Variants in RP1 observed in about 807,000 individuals in gnomAD.
RP1 encodes oxygen-regulated protein 1.
A neutral mutation model predicts 14.8 loss-of-function variants in RP1; 16 were observed. The observed-to-expected ratio is 1.08, with a 90% CI of 0.73 to 1.65. RP1 has a LOEUF of 1.65. RP1 is among the 40% of genes most tolerant of loss of function. The pLI, the probability that RP1 is intolerant of heterozygous loss-of-function variation, is 0.00. For missense variants in RP1, 2,631 were observed against 2,535.0 expected (o/e 1.04, Z -0.81); for synonymous variants, 876 against 883.6 (o/e 0.99, Z 0.15).
chr8:54,763,255 T>C (rs1422791460), intron 22 of RP1, among the ~76,000 whole-genome samples: 2 of 152,222 alleles, frequency 1.3e-5, no homozygotes, highest in Non-Finnish European at 2.9e-5. Flanking sequence ...ATAGAAACAA[T>C]GTCATTCACA....
intron 15 of RP1, among the ~76,000 whole-genome samples, chr8:54,708,654 C>A (rs1414801784): frequency 6.6e-6 from 1 of 152,018 alleles, no homozygotes; most frequent in Admixed American, 6.6e-5. Flanking sequence ...CCACTGAGCC[C>A]AGCTGAATGG....
intron 24 of RP1, among the ~76,000 whole-genome samples, chr8:54,810,002 C>A (rs541107893): frequency 6.6e-6 from 1 of 152,140 alleles, no homozygotes; most frequent in Non-Finnish European, 1.5e-5. Context: ...GGCCAATGAA[C>A]GCTTTCACCA....
At chr8:54,685,462 T>C (rs1205813002) in intron 12 of RP1, among the ~76,000 whole-genome samples, 5 of 152,248 alleles carry the variant, frequency 3.3e-5, no homozygotes, top group South Asian at 2.1e-4. Context: ...AGTTGTGTGG[T>C]TTTGAATGAA....
At chr8:54,669,812 G>T (rs1807108124) in intron 7 of RP1, among the ~76,000 whole-genome samples, 1 of 151,578 alleles carries the variant, frequency 6.6e-6, no homozygotes. Context: ...TCACTCATAG[G>T]TGGGAACTGA....
intron 1 of RP1, among the ~76,000 whole-genome samples, chr8:54,561,181 TCTA>T (rs1804279236): frequency 6.6e-6 from 1 of 152,186 alleles, no homozygotes; most frequent in Non-Finnish European, 1.5e-5. Context: ...ATCAAAAGCT[TCTA>T]CTATTAGAGC....
At chr8:54,842,025 C>A (rs1413642170) in intron 25 of RP1, among the ~76,000 whole-genome samples, 1 of 152,092 alleles carries the variant, frequency 6.6e-6, no homozygotes, top group Non-Finnish European at 1.5e-5. Context: ...AACTTGAAGT[C>A]ATGAGAAAAT....
At position 54,779,833 on chromosome 8, in the gene RP1, C is replaced by T. The variant is rs1202883253; in HGVS notation, c.3452-3714C>T. On this transcript the variant is annotated intron_variant, in intron 23 of 28. Transcript: ENST00000637698. ...ATAACTAGACATCCTGATAGAAATG[C>T]TAACGGTATTTATAAGTAAAAAGAT... Among the ~76,000 whole-genome samples the T allele has an allele frequency of 2.0e-5, 3 of 152,272 alleles. No homozygotes were observed. The South Asian group carries it at 6.2e-4, about 32-fold the overall frequency.
At chr8:54,681,790 A>G (rs1807439561) in intron 12 of RP1, among the ~76,000 whole-genome samples, 1 of 151,996 alleles carries the variant, frequency 6.6e-6, no homozygotes, top group South Asian at 2.1e-4. Context: ...GAGAACATGC[A>G]GTGTTTGGTT....
intron 22 of RP1, among the ~76,000 whole-genome samples, chr8:54,764,309 C>T (rs558182446): frequency 1.6e-4 from 24 of 152,362 alleles, no homozygotes; most frequent in Admixed American, 1.4e-3. Context: ...TTCTCTGCTC[C>T]TCACTGGCCT....
chr8:54,617,435 C>G (rs1805746527), intron 1 of RP1, among the ~76,000 whole-genome samples: 1 of 152,216 alleles, frequency 6.6e-6, no homozygotes, highest in Admixed American at 6.5e-5. Context: ...AAGAATGGAG[C>G]ACAGCTAACA....
rs1316193385 is a variant in RP1, at chr8:54,845,791, C to T, written c.3836-6783C>T. Among the ~76,000 whole-genome samples the T allele has an allele frequency of 3.3e-5, 5 of 152,298 alleles. No individual in the cohort carries two copies. In the East Asian group the frequency reaches 9.6e-4, roughly 29 times the overall value. On this transcript the variant is annotated intron_variant, in intron 25 of 28. Transcript: ENST00000637698. ...TGGCTGACTGTGGGTGAGGCAGCCG[C>T]CTGCTCCTTTGCTTCTGGGGCCAAA...
intron 24 of RP1, among the ~76,000 whole-genome samples, chr8:54,803,983 G>A (rs536171131): frequency 2.6e-5 from 4 of 151,972 alleles, no homozygotes; most frequent in African/African-American, 4.8e-5. Flanking sequence ...CAGGAGGATC[G>A]CTTGAACCCA....
chr8:54,678,086 C>G (rs1038560728), intron 8 of RP1, among the ~76,000 whole-genome samples: 2 of 152,036 alleles, frequency 1.3e-5, no homozygotes, highest in Non-Finnish European at 1.5e-5. Flanking sequence ...AAAAAACTTC[C>G]TGGAAGTAGA....
intron 24 of RP1, among the ~76,000 whole-genome samples, chr8:54,805,701 G>T (rs1282711149): frequency 6.6e-6 from 1 of 150,638 alleles, no homozygotes; most frequent in East Asian, 1.9e-4. Flanking sequence ...GAGTGGAAAT[G>T]TTTTCCATTT....
chr8:54,739,503 T>A (rs968524865), intron 19 of RP1, among the ~76,000 whole-genome samples: 1 of 152,096 alleles, frequency 6.6e-6, no homozygotes, highest in Non-Finnish European at 1.5e-5. Context: ...AGGTTTTTTT[T>A]AATAGCATAT....
intron 19 of RP1, among the ~76,000 whole-genome samples, chr8:54,751,938 C>G (rs947647373): frequency 1.3e-5 from 2 of 152,158 alleles, no homozygotes; most frequent in African/African-American, 2.4e-5. Flanking sequence ...CAGTGAGGCT[C>G]TCTTATCAGT....
intron 24 of RP1, among the ~76,000 whole-genome samples, chr8:54,805,914 T>C (rs1810837113): frequency 6.6e-6 from 1 of 152,204 alleles, no homozygotes; most frequent in African/African-American, 2.4e-5. Context: ...TAATCTTTGA[T>C]TCCTCTGAGT....
intron 21 of RP1, among the ~76,000 whole-genome samples, chr8:54,758,574 C>T (rs563602484): frequency 3.3e-5 from 5 of 152,180 alleles, no homozygotes; most frequent in East Asian, 1.9e-4. Context: ...ACATTAGCTG[C>T]GTGGTTGTCA....
chr8:54,634,758 G>A (rs554819635), downstream of RP1, among the ~76,000 whole-genome samples: 1 of 152,290 alleles, frequency 6.6e-6, no homozygotes, highest in South Asian at 2.1e-4. Flanking sequence ...ACAAAAATTA[G>A]TAAACAATTC....
Sources: gnomAD v4.1 joint callset for allele counts (sites outside exome capture counted in the v4.1 genomes callset) on GRCh38, gnomAD v4.1.1 for gene constraint, MANE v1.5 for transcripts, NCBI Gene and HGNC (gene_info 2026-07-23, HGNC 2026-07-21) for gene names.